Variants in OTUD3 observed in about 807,000 individuals in gnomAD.
The protein encoded by OTUD3 is OTU domain-containing protein 3.
Under a neutral mutation model 46.2 loss-of-function variants are expected in OTUD3, and 24 were observed. The observed-to-expected ratio is 0.52, with a 90% confidence interval of 0.38 to 0.73. The LOEUF is 0.73. OTUD3 is among the 30% of genes least tolerant of loss of function. OTUD3 has a pLI of 0.00. For missense variants in OTUD3, 455 were observed against 523.3 expected, an observed-to-expected ratio of 0.87 and a Z score of 1.27; for synonymous variants, 189 against 195.4, an observed-to-expected ratio of 0.97 and a Z score of 0.27.
chr1:19,898,518 C>T (rs933308366), intron 4 of OTUD3, among the ~76,000 whole-genome samples: 14 of 151,492 alleles, frequency 9.2e-5, no homozygotes, highest in Admixed American at 1.3e-4. Context: ...CACCTGAGGT[C>T]GGGAGTTCAA....
chr1:19,897,460 A>G (rs540579550), intron 3 of OTUD3, 80 bp from the exon 4 acceptor site: 2 of 1,483,974 alleles, frequency 1.3e-6, no homozygotes, highest in African/African-American at 1.4e-5. Context: ...GGGCTTCCTC[A>G]GCAGTCCAGG....
chr1:19,906,823 C>T (rs2045668223), intron 7 of OTUD3: 1 of 469,110 alleles, frequency 2.1e-6, no homozygotes. Context: ...GAAGGAAATA[C>T]ACCCTGAAAT....
At chr1:19,884,608 G>A (rs4654737) in intron 1 of OTUD3, among the ~76,000 whole-genome samples, 51,897 of 152,034 alleles carry the variant, frequency 0.34, 9,166 homozygotes, top group Non-Finnish European at 0.4. Flanking sequence ...AGTATTTACT[G>A]TATTAGAAAG....
At position 19,909,897 on chromosome 1, in the gene OTUD3, A is replaced by C. The variant is rs2045712561; in HGVS notation, c.*2151A>C. ...TATAATAATGGTGGTTTAAAAAACT[A>C]ATCAAACGGCTTTAGTAATTTTACT... On this transcript the variant is annotated 3_prime_UTR_variant, in exon 8 of 8. Coordinates refer to ENST00000375120, the MANE Select transcript of OTUD3 (RefSeq NM_015207.2). 1 of 152,382 alleles carries C rather than the reference A, an allele frequency of 6.6e-6. No individual in the cohort carries two copies. 9.4% of individuals were successfully genotyped at this position (152,382 alleles called of 1,614,324 possible). A position where few individuals can be genotyped will look rare whatever the true frequency, so the allele number is the denominator to read the frequency against.
At chr1:19,896,964 T>C (rs939665288) in intron 3 of OTUD3, among the ~76,000 whole-genome samples, 1 of 152,210 alleles carries the variant, frequency 6.6e-6, no homozygotes, top group Non-Finnish European at 1.5e-5. Context: ...TTTGGGTTTG[T>C]TGTTGATGTT....
At chr1:19,893,542 T>G (rs1188618476) in intron 2 of OTUD3, among the ~76,000 whole-genome samples, 3 of 152,198 alleles carry the variant, frequency 2.0e-5, no homozygotes, top group African/African-American at 7.2e-5. Context: ...TTGTTTTGTT[T>G]TGTTTTGCTT....
chr1:19,911,973 A>G lies in OTUD3; in HGVS notation c.*4227A>G, dbSNP rs17401847. 0.12 allele frequency: 18,879 copies of G among 152,364 alleles called. 1,333 individuals carry two copies. Among genetic ancestry groups the G allele is most frequent in the Admixed American group, 0.16 (2,439 of 15,296 alleles). 9.4% of individuals were successfully genotyped at this position (152,364 alleles called of 1,614,324 possible). A position where few individuals can be genotyped will look rare whatever the true frequency, so the allele number is the denominator to read the frequency against. ...TATGTCTTTGAAGCAGCTGCTTTGTAGAGTCCCTCTCTTTACTGTCCTCGT... is the reference window on the plus strand; with the variant it reads ...TATGTCTTTGAAGCAGCTGCTTTGTGGAGTCCCTCTCTTTACTGTCCTCGT... On this transcript the variant is annotated 3_prime_UTR_variant, in exon 8 of 8. Coordinates refer to ENST00000375120, the MANE Select transcript of OTUD3 (RefSeq NM_015207.2).
chr1:19,904,309 A>G lies in OTUD3; in HGVS notation c.649A>G (p.Ile217Val), dbSNP rs2045629413. The stretch of plus-strand genomic sequence containing the variant: ...AGATGAATCAAATAAAAGAGAAAAG[A>G]TCAAGACAAAGGGAATGGACTCTGA... ...HQDESNKREK[I>V]KTKGMDSEDD... The change falls in exon 5 of 8, where the codon ATC becomes GTC. Residue 217 changes from isoleucine (I) to valine (V), a missense_variant. By Grantham distance (29) the Ile-to-Val change is conservative. Transcript: ENST00000375120. 6.2e-7 allele frequency: 1 copy of G among 1,611,244 alleles called. No individual in the cohort carries two copies. Among genetic ancestry groups the G allele is most frequent in the Non-Finnish European group, 8.5e-7 (1 of 1,178,522 alleles).
intron 4 of OTUD3, among the ~76,000 whole-genome samples, chr1:19,902,791 A>C (rs1258894274): frequency 6.6e-6 from 1 of 152,038 alleles, no homozygotes; most frequent in Non-Finnish European, 1.5e-5. Flanking sequence ...AAGACAGATT[A>C]CTTTTTTCTT....
intron 4 of OTUD3, among the ~76,000 whole-genome samples, chr1:19,903,939 C>T (rs926947379): frequency 2.0e-5 from 3 of 152,214 alleles, no homozygotes; most frequent in Admixed American, 6.5e-5. Context: ...GTTAAGCTCA[C>T]GGCTCTGAAA....
In OTUD3 at chr1:19,907,534, G is replaced by T. The variant is rs368199795; in HGVS notation, c.1021-36G>T. 99 of 1,603,134 alleles carry T rather than the reference G, an allele frequency of 6.2e-5. No individual in the cohort carries two copies. The East Asian group carries it at 2.2e-3, about 35-fold the overall frequency. The stretch of plus-strand genomic sequence containing the variant: ...TAGCAGGTGGCAGCTTGAGTCCCCC[G>T]TGCTTCCTACTCACCACCATGGCCT... On this transcript the variant is annotated intron_variant, in intron 7 of 7. Coordinates refer to ENST00000375120, the MANE Select transcript of OTUD3 (RefSeq NM_015207.2).
chr1:19,888,978 A>C (rs1311269345), intron 1 of OTUD3, among the ~76,000 whole-genome samples: 1 of 152,396 alleles, frequency 6.6e-6, no homozygotes, highest in South Asian at 2.1e-4. Flanking sequence ...GAATTTTGGT[A>C]CATTAAATGT....
intron 4 of OTUD3, among the ~76,000 whole-genome samples, chr1:19,901,936 TC>T (rs1299363176): frequency 6.6e-6 from 1 of 152,232 alleles, no homozygotes; most frequent in Non-Finnish European, 1.5e-5. Context: ...TTTAGGTTGT[TC>T]CCACCTTTTG....
chr1:19,906,346 C>G, intron 6 of OTUD3, 86 bp from the exon 7 acceptor site: 1 of 1,177,686 alleles, frequency 8.5e-7, no homozygotes, highest in Non-Finnish European at 1.2e-6. Context: ...AAGTAGGGAC[C>G]CAGGTAATTT....
intron 7 of OTUD3, 99 bp from the exon 8 acceptor site, chr1:19,907,471 T>A (rs974483218): frequency 8.6e-7 from 1 of 1,156,222 alleles, no homozygotes; most frequent in Admixed American, 2.1e-5. Context: ...CTGTTCCTGC[T>A]GAAAAGCAAT....
In OTUD3 at chr1:19,911,160, G is replaced by C. The variant is rs560845361; in HGVS notation, c.*3414G>C. 2.6e-5 allele frequency: 4 copies of C among 152,214 alleles called. No individual in the cohort carries two copies. In the East Asian group the frequency reaches 7.5e-4, roughly 29 times the overall value. The allele number at this position is 152,214 out of a possible 1,614,324, so 9.4% of individuals were successfully genotyped here. Reference sequence around the variant, plus strand: ...ATGTGTTGCGTCAGTGGCCCTCTTCGACTCCCGTTTTGGGTAGATGCGTAG... The same window carrying C: ...ATGTGTTGCGTCAGTGGCCCTCTTCCACTCCCGTTTTGGGTAGATGCGTAG... On this transcript the variant is annotated 3_prime_UTR_variant, in exon 8 of 8. Coordinates refer to ENST00000375120, the MANE Select transcript of OTUD3 (RefSeq NM_015207.2).
rs1448624385 is a variant in OTUD3, at chr1:19,911,690, T to C, written c.*3944T>C. On this transcript the variant is annotated 3_prime_UTR_variant, in exon 8 of 8. Coordinates refer to ENST00000375120, the MANE Select transcript of OTUD3 (RefSeq NM_015207.2). ...GGTGTGAGCAACCCTGCCCGGCCAG[T>C]AAATTGTATTTTTTTAATGACATCA... The C allele has an allele frequency of 6.6e-6, 1 of 152,188 alleles. No homozygotes were observed. Among genetic ancestry groups the C allele is most frequent in the African/African-American group, 2.4e-5 (1 of 41,382 alleles). The allele number at this position is 152,188 out of a possible 1,614,324, so 9.4% of individuals were successfully genotyped here. A position where few individuals can be genotyped will look rare whatever the true frequency, so the allele number is the denominator to read the frequency against.
At chr1:19,902,362 C>T (rs748797178) in intron 4 of OTUD3, among the ~76,000 whole-genome samples, 5 of 152,122 alleles carry the variant, frequency 3.3e-5, no homozygotes, top group Non-Finnish European at 7.3e-5. Flanking sequence ...CCCACCGCCA[C>T]GCCCAGCTAA....
chr1:19,898,018 C>T (rs1449576178), intron 4 of OTUD3, among the ~76,000 whole-genome samples: 15 of 150,296 alleles, frequency 1.0e-4, no homozygotes, highest in Non-Finnish European at 1.8e-4. Context: ...GGTGCGATCT[C>T]GGCTCACCCA....
Sources: allele counts gnomAD v4.1 joint callset (sites outside exome capture counted in the v4.1 genomes callset), GRCh38; gene constraint gnomAD v4.1.1; transcripts MANE v1.5; gene names NCBI Gene and HGNC (gene_info 2026-07-23, HGNC 2026-07-21).